FAM135B: variants seen among roughly 807,000 people sequenced by gnomAD.
FAM135B encodes family with sequence similarity 135 member B.
FAM135B carries 43 observed loss-of-function variants against 127.7 expected under a neutral mutation model. The ratio of observed to expected loss-of-function variants is 0.34; its 90% CI spans 0.26 to 0.43. The LOEUF (loss-of-function observed/expected upper bound fraction) is 0.43. FAM135B is among the 20% of genes least tolerant of loss of function. The pLI is 1.00. For synonymous variants in FAM135B, 670 were observed against 665.1 expected (o/e 1.01, Z -0.11); for missense variants, 1,558 against 1,725.6 (o/e 0.90, Z 1.72).
chr8:138,178,422 G>A (rs1814692022), intron 10 of FAM135B, 113 bp downstream of exon 10: 19 of 1,269,320 alleles, frequency 1.5e-5, no homozygotes, highest in Middle Eastern at 2.8e-4. Flanking sequence ...GTAGAGACAC[G>A]AAAGCACGAA....
chr8:138,167,640 G>A (rs546058065), intron 12 of FAM135B, among the ~76,000 whole-genome samples: 20 of 152,168 alleles, frequency 1.3e-4, no homozygotes, highest in Admixed American at 3.9e-4. Context: ...AGGTGAAAAC[G>A]CTGAAGCACT....
At chr8:138,484,141 C>A (rs2131685070) in intron 1 of FAM135B, among the ~76,000 whole-genome samples, 1 of 152,190 alleles carries the variant, frequency 6.6e-6, no homozygotes, top group East Asian at 1.9e-4. Flanking sequence ...AAGCAGGATT[C>A]TAATTCTATG....
At chr8:138,348,740 G>C (rs938133026) in intron 2 of FAM135B, among the ~76,000 whole-genome samples, 4 of 152,210 alleles carry the variant, frequency 2.6e-5, no homozygotes, top group African/African-American at 7.2e-5. Flanking sequence ...GAGAAACTAA[G>C]AGTGAATCCA....
At chr8:138,177,652 T>C (rs1251351732) in intron 10 of FAM135B, among the ~76,000 whole-genome samples, 5 of 152,208 alleles carry the variant, frequency 3.3e-5, no homozygotes, top group African/African-American at 1.2e-4. Context: ...ATGCAGTCTA[T>C]GAATCTGTTC....
chr8:138,195,592 G>A (rs979343184), intron 8 of FAM135B, among the ~76,000 whole-genome samples: 2 of 152,046 alleles, frequency 1.3e-5, no homozygotes, highest in African/African-American at 4.8e-5. Context: ...AGCACTTTGT[G>A]TGGCCCAGAG....
At chr8:138,233,148 G>A (rs530388921) in intron 7 of FAM135B, among the ~76,000 whole-genome samples, 3 of 152,120 alleles carry the variant, frequency 2.0e-5, no homozygotes, top group Non-Finnish European at 2.9e-5. Context: ...GTACAAAGCT[G>A]CAGGCATCAC....
intron 7 of FAM135B, among the ~76,000 whole-genome samples, chr8:138,236,786 GTAATTTT>G (rs1820308321): frequency 6.6e-6 from 1 of 152,220 alleles, no homozygotes; most frequent in African/African-American, 2.4e-5. Flanking sequence ...GGTGAAATGT[GTAATTTT>G]TAATTATTCC....
chr8:138,281,192 C>G (rs1311780675), intron 3 of FAM135B, among the ~76,000 whole-genome samples: 1 of 152,158 alleles, frequency 6.6e-6, no homozygotes, highest in African/African-American at 2.4e-5. Flanking sequence ...CTGCTTGCAA[C>G]TAGAGTGTTT....
chr8:138,165,070 A>T (rs1819775765), intron 12 of FAM135B, among the ~76,000 whole-genome samples: 1 of 151,966 alleles, frequency 6.6e-6, no homozygotes, highest in Non-Finnish European at 1.5e-5. Flanking sequence ...TCCAGCTGAT[A>T]TTGCAGGATG....
At chr8:138,279,613 T>C (rs1053571681) in intron 3 of FAM135B, among the ~76,000 whole-genome samples, 3 of 151,926 alleles carry the variant, frequency 2.0e-5, no homozygotes, top group South Asian at 4.2e-4. Flanking sequence ...TCTTCACATA[T>C]AAAGTAATCA....
At chr8:138,232,070 T>C (rs1223299744) in intron 7 of FAM135B, among the ~76,000 whole-genome samples, 1 of 152,236 alleles carries the variant, frequency 6.6e-6, no homozygotes, top group Non-Finnish European at 1.5e-5. Flanking sequence ...AACGGCTCAC[T>C]CAAGCTCTCA....
intron 12 of FAM135B, among the ~76,000 whole-genome samples, chr8:138,159,004 G>A (rs562888625): frequency 2.8e-4 from 43 of 151,856 alleles, no homozygotes; most frequent in African/African-American, 1.0e-3. Flanking sequence ...CGGGCGTGGT[G>A]GCTCACGCCT....
Position 138,242,932 on chromosome 8 carries a change from C to A in FAM135B, c.669+10G>T, listed in dbSNP as rs201095622. ...AAAGTTTTGAAGCAACTGCCCCACACAGGCCTTACCTCTGAGGAAGTCGGC... is the reference window on the plus strand; with the variant it reads ...AAAGTTTTGAAGCAACTGCCCCACAAAGGCCTTACCTCTGAGGAAGTCGGC... On this transcript the variant is annotated intron_variant, in intron 7 of 19. Transcript: ENST00000395297. The surrounding 1 kb of genome is among the most constrained non-coding windows in gnomAD (Gnocchi z 9.6). The A allele has an allele frequency of 4.5e-5, 72 of 1,610,214 alleles. No homozygotes were observed. Among genetic ancestry groups the A allele is most frequent in the South Asian group, 6.7e-5 (6 of 90,164 alleles).
chr8:138,485,066 T>G (rs1814933352), intron 1 of FAM135B, among the ~76,000 whole-genome samples: 1 of 152,236 alleles, frequency 6.6e-6, no homozygotes, highest in South Asian at 2.1e-4. Context: ...CAGAAATTAA[T>G]TTTCCAGATA....
chr8:138,302,106 A>C (rs1825928744), intron 3 of FAM135B, among the ~76,000 whole-genome samples: 1 of 150,176 alleles, frequency 6.7e-6, no homozygotes, highest in Non-Finnish European at 1.5e-5. Flanking sequence ...GACATTTTTA[A>C]TTCTCACAAA....
chr8:138,264,080 C>T (rs1822737118), intron 4 of FAM135B, among the ~76,000 whole-genome samples: 1 of 152,334 alleles, frequency 6.6e-6, no homozygotes, highest in Admixed American at 6.5e-5. Flanking sequence ...CCTCTCTGTG[C>T]AAGTCACCTC....
chr8:138,421,064 C>A (rs1283264174), intron 1 of FAM135B, among the ~76,000 whole-genome samples: 1 of 152,170 alleles, frequency 6.6e-6, no homozygotes, highest in Non-Finnish European at 1.5e-5. Flanking sequence ...GTAATCCCAG[C>A]ACTTTGGGAG....
At chr8:138,491,812 G>A (rs1452660586) in intron 1 of FAM135B, among the ~76,000 whole-genome samples, 1 of 152,188 alleles carries the variant, frequency 6.6e-6, no homozygotes, top group Non-Finnish European at 1.5e-5. Flanking sequence ...CATTTGAGTT[G>A]CAGCCAGAAT....
intron 7 of FAM135B, among the ~76,000 whole-genome samples, chr8:138,206,380 T>C (rs1586770512): frequency 7.7e-6 from 1 of 129,388 alleles, no homozygotes; most frequent in African/African-American, 2.8e-5. Context: ...CACAACTCTA[T>C]CATCCCCTCC....
Sources: allele counts gnomAD v4.1 joint callset (sites outside exome capture counted in the v4.1 genomes callset), GRCh38; gene constraint gnomAD v4.1.1; non-coding constraint Gnocchi (gnomAD v3.1); transcripts MANE v1.5; gene names NCBI Gene and HGNC (gene_info 2026-07-23, HGNC 2026-07-21).